Variants in CNTN5 observed in about 807,000 individuals in gnomAD.
The protein encoded by CNTN5 is contactin 5, also known as contactin-5.
CNTN5 carries 77 observed loss-of-function variants against 129.1 expected under a neutral mutation model. That is an observed-to-expected ratio of 0.60 (90% CI 0.50 to 0.72). The LOEUF (loss-of-function observed/expected upper bound fraction) is 0.72, where lower values mean the gene tolerates loss of function less well. Among genes scored for constraint, CNTN5 ranks in the 30% least tolerant of loss-of-function variants. CNTN5 has a pLI of 0.00. For missense variants in CNTN5, 1,478 were observed against 1,328.8 expected (o/e 1.11, Z -1.75); for synonymous variants, 509 against 465.6 (o/e 1.09, Z -1.20).
At chr11:99,098,086 AG>A (rs1866559362) in intron 1 of CNTN5, among the ~76,000 whole-genome samples, 1 of 152,046 alleles carries the variant, frequency 6.6e-6, no homozygotes, top group Admixed American at 6.6e-5. Context: ...GTTAACTGAG[AG>A]GGGGAATAGA....
At chr11:100,179,215 T>C (rs1425645018) in intron 13 of CNTN5, among the ~76,000 whole-genome samples, 3 of 152,076 alleles carry the variant, frequency 2.0e-5, no homozygotes, top group African/African-American at 7.2e-5. Flanking sequence ...ATCTCCACCA[T>C]CATCCCCTAC....
At chr11:99,075,667 A>C (rs979118215) in intron 1 of CNTN5, among the ~76,000 whole-genome samples, 1 of 152,076 alleles carries the variant, frequency 6.6e-6, no homozygotes, top group African/African-American at 2.4e-5. Flanking sequence ...CCTTCTTTTC[A>C]TTTAATGTCG....
intron 13 of CNTN5, among the ~76,000 whole-genome samples, chr11:100,133,388 C>T (rs569965751): frequency 6.6e-6 from 1 of 152,096 alleles, no homozygotes; most frequent in Non-Finnish European, 1.5e-5. Context: ...TTCAGCCTGG[C>T]ATATTTAATT....
At chr11:99,167,099 T>A (rs934257390) in intron 1 of CNTN5, among the ~76,000 whole-genome samples, 1 of 152,122 alleles carries the variant, frequency 6.6e-6, no homozygotes, top group Non-Finnish European at 1.5e-5. Flanking sequence ...TGTCTGAAGT[T>A]TTACAGCCAA....
chr11:99,441,584 C>T (rs1238466879), intron 2 of CNTN5, among the ~76,000 whole-genome samples: 1 of 152,176 alleles, frequency 6.6e-6, no homozygotes, highest in African/African-American at 2.4e-5. Flanking sequence ...AAACTAGCAT[C>T]TCCTTCTTCC....
chr11:99,562,845 A>G (rs1034582033), intron 3 of CNTN5, among the ~76,000 whole-genome samples: 5 of 152,196 alleles, frequency 3.3e-5, no homozygotes, highest in African/African-American at 7.2e-5. Flanking sequence ...ACTGAGCTCA[A>G]CAATGTACAT....
intron 1 of CNTN5, among the ~76,000 whole-genome samples, chr11:99,161,102 C>T (rs1860590229): frequency 6.6e-6 from 1 of 152,036 alleles, no homozygotes; most frequent in African/African-American, 2.4e-5. Flanking sequence ...TCATATTCCT[C>T]TCATTTCACT....
At chr11:99,070,031 A>G (rs889811283) in intron 1 of CNTN5, among the ~76,000 whole-genome samples, 5 of 152,182 alleles carry the variant, frequency 3.3e-5, no homozygotes, top group South Asian at 2.1e-4. Context: ...TTCTCTCTTC[A>G]GGCTGCCTCT....
At chr11:99,564,488 A>C (rs2135558880) in intron 3 of CNTN5, among the ~76,000 whole-genome samples, 1 of 152,326 alleles carries the variant, frequency 6.6e-6, no homozygotes, top group South Asian at 2.1e-4. Flanking sequence ...TAAACTCATT[A>C]GCTGAACGTA....
intron 3 of CNTN5, among the ~76,000 whole-genome samples, chr11:99,588,499 T>A (rs541308413): frequency 3.9e-5 from 6 of 152,210 alleles, no homozygotes; most frequent in East Asian, 1.9e-4. Context: ...AATTAGGAAT[T>A]CTGGGAAACT....
chr11:99,775,754 G>A (rs2135360748), intron 3 of CNTN5, among the ~76,000 whole-genome samples: 1 of 151,744 alleles, frequency 6.6e-6, no homozygotes, highest in Non-Finnish European at 1.5e-5. Flanking sequence ...ATAATGCTAA[G>A]CATTAATATA....
At chr11:99,332,102 C>CTATA (rs1455805893) in intron 2 of CNTN5, among the ~76,000 whole-genome samples, 7 of 151,788 alleles carry the variant, frequency 4.6e-5, no homozygotes, top group Non-Finnish European at 1.0e-4. Flanking sequence ...ATAGCAATAG[C>CTATA]TAACTGATAG....
intron 9 of CNTN5, among the ~76,000 whole-genome samples, chr11:100,022,122 C>A (rs1941189611): frequency 6.6e-6 from 1 of 152,128 alleles, no homozygotes; most frequent in African/African-American, 2.4e-5. Flanking sequence ...CCAGAAACAC[C>A]CAGATACACC....
intron 6 of CNTN5, among the ~76,000 whole-genome samples, chr11:99,869,717 G>C (rs1948452731): frequency 2.0e-5 from 3 of 152,134 alleles, no homozygotes; most frequent in South Asian, 4.1e-4. Context: ...CAATTGATCT[G>C]GATCGAGCAG....
rs1266624546 is a variant in CNTN5, at chr11:99,738,771, G to A, written c.56-80773G>A. Among the ~76,000 whole-genome samples the A allele has an allele frequency of 2.0e-5, 3 of 152,144 alleles. 1 individual carries two copies. The highest frequency in any genetic ancestry group is 4.1e-4 in the South Asian group (2 of 4,824). The stretch of plus-strand genomic sequence containing the variant: ...GCTTGAAATTCAGGCAAAGGAACTC[G>A]TACTCTATCCCATAGGCAGTAGAGG... On this transcript the variant is annotated intron_variant, in intron 3 of 24. Transcript: ENST00000524871.
In CNTN5 at chr11:99,580,767, T is replaced by C. The variant is rs565238920; in HGVS notation, c.55+24498T>C. 3.9e-4 allele frequency among the ~76,000 whole-genome samples: 55 copies of C among 140,126 alleles called. No individual in the cohort carries two copies. In the East Asian group the frequency reaches 0.011, roughly 28 times the overall value. 91.9% of individuals were successfully genotyped at this position (140,126 alleles called of 152,430 possible). On this transcript the variant is annotated intron_variant, in intron 3 of 24. Transcript: ENST00000524871. ...TAACGGTCTATCAATTTTGTTGATCTTTTCAAAAAACCAGCTCCTGGATTC... is the reference window on the plus strand; with the variant it reads ...TAACGGTCTATCAATTTTGTTGATCCTTTCAAAAAACCAGCTCCTGGATTC...
chr11:99,036,097 C>T (rs1404689972), intron 1 of CNTN5, among the ~76,000 whole-genome samples: 1 of 152,044 alleles, frequency 6.6e-6, no homozygotes, highest in Non-Finnish European at 1.5e-5. Flanking sequence ...TGAATATTGG[C>T]CCCCACTCTC....
intron 10 of CNTN5, among the ~76,000 whole-genome samples, chr11:100,069,904 G>A (rs1233063708): frequency 1.3e-5 from 2 of 151,618 alleles, no homozygotes; most frequent in Non-Finnish European, 2.9e-5. Flanking sequence ...TAACAATTTT[G>A]CACAAATAAA....
intron 3 of CNTN5, among the ~76,000 whole-genome samples, chr11:99,688,499 A>T (rs747532989): frequency 6.6e-6 from 1 of 152,212 alleles, no homozygotes; most frequent in Non-Finnish European, 1.5e-5. Context: ...CCTCCTTTCA[A>T]GGAGTTTAAT....
Sources: allele counts gnomAD v4.1 joint callset (sites outside exome capture counted in the v4.1 genomes callset), GRCh38; gene constraint gnomAD v4.1.1; transcripts MANE v1.5; gene names NCBI Gene and HGNC (gene_info 2026-07-23, HGNC 2026-07-21).